VWC2L: variants seen among roughly 807,000 people sequenced by gnomAD.
The protein encoded by VWC2L is von Willebrand factor C domain-containing protein 2-like.
Under a neutral mutation model 21.6 loss-of-function variants are expected in VWC2L, and 10 were observed. The observed-to-expected ratio is 0.46, with a 90% CI of 0.29 to 0.78. The LOEUF (loss-of-function observed/expected upper bound fraction) is 0.78, where lower values mean the gene tolerates loss of function less well. Ranked by LOEUF, VWC2L falls within the 30% of genes least tolerant of loss-of-function variation. The pLI is 0.10. For missense variants in VWC2L, 209 were observed against 277.1 expected (o/e 0.75, Z 1.74); for synonymous variants, 96 against 94.3 (o/e 1.02, Z -0.10).
intron 3 of VWC2L, among the ~76,000 whole-genome samples, chr2:214,539,513 C>T (rs1004205884): frequency 5.9e-5 from 9 of 152,122 alleles, no homozygotes; most frequent in African/African-American, 2.2e-4. Context: ...TACTGTGTGA[C>T]TAGTTATTCT....
At chr2:214,498,124 G>A (rs1428393295) in intron 3 of VWC2L, among the ~76,000 whole-genome samples, 1 of 152,140 alleles carries the variant, frequency 6.6e-6, no homozygotes, top group East Asian at 1.9e-4. Context: ...ACATGGCAGA[G>A]AAGCACCTAG....
chr2:214,570,703 T>C (rs1232204822), intron 3 of VWC2L, among the ~76,000 whole-genome samples: 2 of 151,824 alleles, frequency 1.3e-5, no homozygotes, highest in African/African-American at 4.9e-5. Context: ...AAAAAAAGTT[T>C]TCATGTGTGA....
At chr2:214,516,807 A>C (rs991173827) in intron 3 of VWC2L, among the ~76,000 whole-genome samples, 1 of 152,126 alleles carries the variant, frequency 6.6e-6, no homozygotes, top group African/African-American at 2.4e-5. Flanking sequence ...AGGTCTAGCA[A>C]CTATGAGCCC....
At chr2:214,450,776 G>C (rs149311716) in intron 3 of VWC2L, among the ~76,000 whole-genome samples, 3 of 152,064 alleles carry the variant, frequency 2.0e-5, no homozygotes, top group African/African-American at 4.8e-5. Context: ...TGAGGGGAAT[G>C]GTTGCCCTTT....
At chr2:214,528,568 G>A (rs958237440) in intron 3 of VWC2L, among the ~76,000 whole-genome samples, 1 of 151,804 alleles carries the variant, frequency 6.6e-6, no homozygotes. Context: ...TATCGCCAGG[G>A]AGTAATCTTT....
At chr2:214,573,193 A>T (rs1236755962) in intron 3 of VWC2L, among the ~76,000 whole-genome samples, 1 of 152,052 alleles carries the variant, frequency 6.6e-6, no homozygotes, top group Non-Finnish European at 1.5e-5. Context: ...TGTGCCACTG[A>T]TATTACCCAG....
chr2:214,506,868 A>C (rs1293354796), intron 3 of VWC2L, among the ~76,000 whole-genome samples: 10 of 152,078 alleles, frequency 6.6e-5, no homozygotes, highest in Admixed American at 6.5e-4. Context: ...TACATTATCC[A>C]AATTTTTAAA....
chr2:214,561,772 T>C (rs1045543122), intron 3 of VWC2L, among the ~76,000 whole-genome samples: 2 of 108,652 alleles, frequency 1.8e-5, no homozygotes, highest in Non-Finnish European at 1.9e-5. Flanking sequence ...TAATACCTTA[T>C]CTCAAAAAAA....
At chr2:214,485,298 C>T (rs781705584) in intron 3 of VWC2L, among the ~76,000 whole-genome samples, 2 of 151,938 alleles carry the variant, frequency 1.3e-5, no homozygotes, top group Non-Finnish European at 2.9e-5. Flanking sequence ...CAGAGCAAGA[C>T]TCTGTCTTTA....
chr2:214,572,931 C>T (rs1296849921), intron 3 of VWC2L, among the ~76,000 whole-genome samples: 3 of 152,278 alleles, frequency 2.0e-5, no homozygotes, highest in Middle Eastern at 3.4e-3. Context: ...AAAGATCTTT[C>T]TTTGCATTCT....
intron 3 of VWC2L, chr2:214,534,205 C>T (rs1689487805): frequency 6.6e-6 from 1 of 152,552 alleles, no homozygotes; most frequent in African/African-American, 2.4e-5. Flanking sequence ...GCCAACACAT[C>T]ACTCACTGTA....
intron 3 of VWC2L, among the ~76,000 whole-genome samples, chr2:214,521,341 AAC>A: frequency 6.6e-6 from 1 of 152,292 alleles, no homozygotes; most frequent in East Asian, 1.9e-4. Context: ...TAATCCTCAA[AAC>A]ACTGCAAAAT....
intron 3 of VWC2L, among the ~76,000 whole-genome samples, chr2:214,439,797 T>C (rs148734960): frequency 1.3e-5 from 2 of 152,000 alleles, no homozygotes; most frequent in Admixed American, 1.3e-4. Context: ...TAGAAATATT[T>C]GTTTTGATAT....
rs748270669 is a variant in VWC2L at position 214,486,643 on chromosome 2, T to G, written c.520+49885T>G. 2.3e-4 allele frequency among the ~76,000 whole-genome samples: 35 copies of G among 152,276 alleles called. 1 individual carries two copies. Among genetic ancestry groups the G allele is most frequent in the Non-Finnish European group, 4.9e-4 (33 of 68,024 alleles). ...GGAATGGAGGAGATCTCTATATATC[T>G]AAGAATGTTGCCCGTACACTCAGCT... is the stretch of plus-strand genomic sequence containing the variant. On this transcript the variant is annotated intron_variant, in intron 3 of 3. Coordinates refer to ENST00000312504, the MANE Select transcript of VWC2L (RefSeq NM_001080500.4).
chr2:214,559,327 T>C (rs1006547709), intron 3 of VWC2L, among the ~76,000 whole-genome samples: 12 of 152,018 alleles, frequency 7.9e-5, no homozygotes, highest in African/African-American at 2.7e-4. Context: ...CCAACTATAG[T>C]TTTTTAAAAA....
chr2:214,529,484 C>T (rs1468532584), intron 3 of VWC2L, among the ~76,000 whole-genome samples: 2 of 152,142 alleles, frequency 1.3e-5, no homozygotes, highest in Non-Finnish European at 2.9e-5. Context: ...TGACCAAACT[C>T]TGTTTTCTCC....
intron 3 of VWC2L, among the ~76,000 whole-genome samples, chr2:214,448,168 A>G (rs1425361958): frequency 6.6e-6 from 1 of 152,224 alleles, no homozygotes; most frequent in African/African-American, 2.4e-5. Flanking sequence ...CTCAGGACAC[A>G]GGGGTAAACC....
At chr2:214,488,240 C>T (rs957911597) in intron 3 of VWC2L, among the ~76,000 whole-genome samples, 2 of 152,138 alleles carry the variant, frequency 1.3e-5, no homozygotes, top group Admixed American at 1.3e-4. Flanking sequence ...AATTCTGTTA[C>T]AATTTATGTC....
chr2:214,458,074 T>A (rs1195204878), intron 3 of VWC2L, among the ~76,000 whole-genome samples: 1 of 152,032 alleles, frequency 6.6e-6, no homozygotes, highest in Admixed American at 6.6e-5. Context: ...AACCATCAAG[T>A]CCTGGGCGTT....
Sources: gnomAD v4.1 joint callset for allele counts (sites outside exome capture counted in the v4.1 genomes callset) on GRCh38, gnomAD v4.1.1 for gene constraint, MANE v1.5 for transcripts, NCBI Gene and HGNC (gene_info 2026-07-23, HGNC 2026-07-21) for gene names.